NOC3L: variants seen among roughly 807,000 people sequenced by gnomAD.
NOC3L encodes NOC3 like DNA replication regulator.
Under a neutral mutation model 102.5 loss-of-function variants are expected in NOC3L, and 85 were observed. That is an observed-to-expected ratio of 0.83 (90% CI 0.70 to 0.99). The LOEUF is 0.99. NOC3L is among the 50% of genes least tolerant of loss of function. The probability of loss-of-function intolerance (pLI) is 0.00; values close to 1 mark genes in which losing one functional copy is unlikely to be tolerated. For missense variants in NOC3L, 878 were observed against 914.9 expected (o/e 0.96, Z 0.52); for synonymous variants, 303 against 309.4 (o/e 0.98, Z 0.22).
chr10:94,325,813 A>ATTCT, the NOC3L span, among the ~76,000 whole-genome samples: 1 of 152,138 alleles, frequency 6.6e-6, no homozygotes, highest in Non-Finnish European at 1.5e-5. Context: ...TTCAGCTTTT[A>ATTCT]TTCTTTTGGA....
intron 2 of NOC3L, among the ~76,000 whole-genome samples, chr10:94,360,964 T>G (rs572445460): frequency 2.0e-5 from 3 of 152,212 alleles, no homozygotes; most frequent in African/African-American, 7.2e-5. Context: ...GTGGGCTATT[T>G]TTGCACACTG....
At chr10:94,333,003 A>T (rs1177911050), downstream of NOC3L, among the ~76,000 whole-genome samples, 1 of 152,230 alleles carries the variant, frequency 6.6e-6, no homozygotes, top group African/African-American at 2.4e-5. Context: ...AACCACTTTT[A>T]AAAATCATAT....
At chr10:94,345,755 T>G (rs1322900675) in intron 11 of NOC3L, among the ~76,000 whole-genome samples, 1 of 152,266 alleles carries the variant, frequency 6.6e-6, no homozygotes, top group East Asian at 1.9e-4. Flanking sequence ...AAGATGAATA[T>G]CCCCAGAGAT....
At chr10:94,315,769 CAAAAAAAAA>C in the NOC3L span, among the ~76,000 whole-genome samples, 5,003 of 122,920 alleles carry the variant, frequency 0.041, 283 homozygotes, top group African/African-American at 0.13. Flanking sequence ...GACTCTGTCT[CAAAAAAAAA>C]AAAAAAAAAA....
intron 17 of NOC3L, 101 bp from the exon 18 acceptor site, chr10:94,338,837 A>G (rs2054250446): frequency 2.0e-6 from 2 of 996,746 alleles, no homozygotes; most frequent in South Asian, 2.5e-5. Flanking sequence ...TTATGGTTGT[A>G]TAAGAGCTTT....
In NOC3L at chr10:94,349,288, C is replaced by G; in HGVS notation, c.1219G>C (p.Gly407Arg). The G allele has an allele frequency of 1.3e-6, 2 of 1,584,094 alleles. No individual in the cohort carries two copies. The highest frequency in any genetic ancestry group is 1.2e-5 in the South Asian group (1 of 84,750). ...ASLGVIKVISGFVKGRNYEVR... is the reference protein window; with the variant it reads ...ASLGVIKVISRFVKGRNYEVR... ...TCGTAATTTCTGCCCTTCACAAAAC[C>G]AGAAATCACTTTAATTACACCAAGA... The change falls in exon 10 of 21, where the codon GGT becomes CGT. Residue 407 changes from glycine (G) to arginine (R), a missense_variant. Physicochemically the swap from Gly to Arg is moderately radical, Grantham distance 125 (BLOSUM62 -2). Coordinates refer to ENST00000371361, the MANE Select transcript of NOC3L (RefSeq NM_022451.11).
Position 94,344,882 on chromosome 10 carries a change from A to T in NOC3L, c.1441T>A (p.Ser481Thr), listed in dbSNP as rs769866914. The stretch of plus-strand genomic sequence containing the variant: ...TTAAGTTTTTTCTCAGTACTCTCTG[A>T]AGCTTCTGCCTCTCGAAGCTCTCGC... ...LERELREAEA[S>T]ESTEKKLKLH... The change falls in exon 12 of 21, where the codon TCA (serine) becomes ACA (threonine). Residue 481 changes from serine to threonine, a missense_variant. Coordinates refer to ENST00000371361, the MANE Select transcript of NOC3L (RefSeq NM_022451.11). The T allele has an allele frequency of 6.2e-7, 1 of 1,610,052 alleles. No homozygotes were observed. The highest frequency in any genetic ancestry group is 8.5e-7 in the Non-Finnish European group (1 of 1,179,160).
At chr10:94,320,474 GT>G in the NOC3L span, among the ~76,000 whole-genome samples, 1 of 152,202 alleles carries the variant, frequency 6.6e-6, no homozygotes, top group Non-Finnish European at 1.5e-5. Context: ...GCGCCACCTG[GT>G]GGCAGTTATC....
intron 19 of NOC3L, among the ~76,000 whole-genome samples, chr10:94,336,497 A>C (rs2054220089): frequency 6.6e-6 from 1 of 151,664 alleles, no homozygotes; most frequent in South Asian, 2.1e-4. Flanking sequence ...ACAGGAACCC[A>C]CCACCACGCC....
chr10:94,350,393 C>T lies in NOC3L; in HGVS notation c.953-105G>A, dbSNP rs533044111. The T allele has an allele frequency of 5.8e-5, 52 of 901,028 alleles. No homozygotes were observed. In the Middle Eastern group the frequency reaches 9.0e-4, roughly 16 times the overall value. The allele number at this position is 901,028 out of a possible 1,614,324, so 55.8% of individuals were successfully genotyped here. On this transcript the variant is annotated intron_variant, in intron 8 of 20. Transcript: ENST00000371361. ...ATTTTAACACACATAAACACACACA[C>T]ACACATTCCCACACCCCTTAAAAAA...
At position 94,339,800 on chromosome 10, in the gene NOC3L, G is replaced by A. The variant is rs779285778; in HGVS notation, c.1901C>T (p.Ala634Val). Residue 634 changes from alanine (A) to valine (V), a missense_variant, in exon 17 of 21, where the codon GCT (alanine) becomes GTT (valine). Ala to Val is a moderately conservative substitution (Grantham distance 64). Coordinates refer to ENST00000371361, the MANE Select transcript of NOC3L (RefSeq NM_022451.11). ...LAFIKRLCTL[A>V]LHVLPNSSIG... is the part of the protein sequence containing the mutation. ...ACTTGAATTTGGAAGAACATGAAGAGCAAGGGTACAAAGGCGTTTGATGAA... is the reference window on the plus strand; with the variant it reads ...ACTTGAATTTGGAAGAACATGAAGAACAAGGGTACAAAGGCGTTTGATGAA... 3.7e-6 allele frequency: 6 copies of A among 1,614,116 alleles called. No individual in the cohort carries two copies. The highest frequency in any genetic ancestry group is 5.1e-6 in the Non-Finnish European group (6 of 1,179,990).
chr10:94,356,793 A>T (rs2054491909), intron 4 of NOC3L, among the ~76,000 whole-genome samples: 1 of 152,174 alleles, frequency 6.6e-6, no homozygotes, highest in Non-Finnish European at 1.5e-5. Context: ...TAGTAGTTTT[A>T]TAGGTATGCG....
chr10:94,323,369 T>G, the NOC3L span, among the ~76,000 whole-genome samples: 51 of 152,244 alleles, frequency 3.3e-4, no homozygotes, highest in Non-Finnish European at 6.9e-4. Context: ...GCTCTACTTC[T>G]GAGACCTGGA....
chr10:94,349,186 TAAC>T, intron 10 of NOC3L, 61 bp downstream of exon 10: 1 of 1,536,478 alleles, frequency 6.5e-7, no homozygotes, highest in South Asian at 1.3e-5. Flanking sequence ...AAATTCCTCA[TAAC>T]AACTGAAAAT....
intron 6 of NOC3L, among the ~76,000 whole-genome samples, chr10:94,354,751 GT>G (rs752943731): frequency 6.6e-6 from 1 of 152,128 alleles, no homozygotes; most frequent in Non-Finnish European, 1.5e-5. Flanking sequence ...GATTCAGAGA[GT>G]TTAAGTAACT....
intron 2 of NOC3L, chr10:94,361,393 C>T (rs1007216716): frequency 4.7e-6 from 2 of 429,672 alleles, no homozygotes; most frequent in Non-Finnish European, 8.3e-6. Context: ...GGAGTACTTT[C>T]AGTTTGTTTT....
chr10:94,340,278 G>T lies in NOC3L; in HGVS notation c.1778C>A (p.Ala593Glu), dbSNP rs769762576. Residue 593 changes from alanine to glutamate, a missense_variant and splice_region_variant, in exon 16 of 21, where the codon GCA becomes GAA. By Grantham distance (107) the Ala-to-Glu change is moderately radical (BLOSUM62 -1). Transcript: ENST00000371361. ...HLYKTLFKLH[A>E]GATNEGVEIV... ...AAACATTATCTAAACATACATACCT[G>T]CATGTAATTTGAACAGTGTTTTGTA... The T allele has an allele frequency of 1.2e-6, 2 of 1,603,812 alleles. No individual in the cohort carries two copies. The highest frequency in any genetic ancestry group is 2.2e-5 in the East Asian group (1 of 44,830).
At chr10:94,332,330 G>C (rs181177770), downstream of NOC3L, 1 of 152,076 alleles carries the variant, frequency 6.6e-6, no homozygotes, top group Non-Finnish European at 1.5e-5. Context: ...TTTCAAAAGC[G>C]TTATGTGGAT....
Position 94,362,844 on chromosome 10 carries a change from G to C in NOC3L, c.-6C>G, listed in dbSNP as rs768228028. The C allele has an allele frequency of 1.2e-6, 2 of 1,614,046 alleles. No homozygotes were observed. Among genetic ancestry groups the C allele is most frequent in the South Asian group, 1.1e-5 (1 of 91,084 alleles). On this transcript the variant is annotated 5_prime_UTR_variant, in exon 1 of 21. Coordinates refer to ENST00000371361, the MANE Select transcript of NOC3L (RefSeq NM_022451.11). ...AGGACACTTACCGCCTTCATCCTTA[G>C]GCCTTAAATGAATGCCGGCCAGACA...
Sources: allele counts gnomAD v4.1 joint callset (sites outside exome capture counted in the v4.1 genomes callset), GRCh38; gene constraint gnomAD v4.1.1; transcripts MANE v1.5; gene names NCBI Gene and HGNC (gene_info 2026-07-23, HGNC 2026-07-21).